Variants in BMP5 observed in about 807,000 individuals in gnomAD.
BMP5 encodes the protein bone morphogenetic protein 5.
Under a neutral mutation model 46.6 loss-of-function variants are expected in BMP5, and 23 were observed. The observed-to-expected ratio is 0.49, with a 90% CI of 0.35 to 0.70. The LOEUF is 0.70. Among genes scored for constraint, BMP5 ranks in the 30% least tolerant of loss-of-function variants. BMP5 has a pLI of 0.00. For synonymous variants in BMP5, 204 were observed against 191.9 expected, an observed-to-expected ratio of 1.06 and a Z score of -0.52; for missense variants, 545 against 565.6, an observed-to-expected ratio of 0.96 and a Z score of 0.37.
At chr6:55,805,739 A>T (rs973873601) in intron 2 of BMP5, among the ~76,000 whole-genome samples, 1 of 152,130 alleles carries the variant, frequency 6.6e-6, no homozygotes, top group Non-Finnish European at 1.5e-5. Flanking sequence ...TTGTTTATTG[A>T]CTTTTTAATA....
intron 2 of BMP5, among the ~76,000 whole-genome samples, chr6:55,802,710 G>C (rs1775879242): frequency 6.6e-6 from 1 of 151,844 alleles, no homozygotes; most frequent in Non-Finnish European, 1.5e-5. Flanking sequence ...ATATATTTAT[G>C]TTTTTGTATT....
intron 2 of BMP5, among the ~76,000 whole-genome samples, chr6:55,808,119 C>T (rs1333834585): frequency 6.6e-6 from 1 of 152,138 alleles, no homozygotes; most frequent in Non-Finnish European, 1.5e-5. Flanking sequence ...CTGTGACCAC[C>T]CCTCCCACTA....
intron 1 of BMP5, among the ~76,000 whole-genome samples, chr6:55,821,788 C>T (rs1391856993): frequency 1.3e-5 from 2 of 152,136 alleles, no homozygotes; most frequent in African/African-American, 4.8e-5. Flanking sequence ...TTTGACTGGG[C>T]TGTGTGAGAG....
chr6:55,762,125 CAG>C (rs766827706), intron 4 of BMP5, among the ~76,000 whole-genome samples: 9 of 151,964 alleles, frequency 5.9e-5, no homozygotes, highest in Non-Finnish European at 8.8e-5. Flanking sequence ...TGAAGAAACA[CAG>C]AGATTTATGG....
chr6:55,789,223 A>G (rs2127527038), intron 3 of BMP5, among the ~76,000 whole-genome samples: 1 of 152,134 alleles, frequency 6.6e-6, no homozygotes, highest in Non-Finnish European at 1.5e-5. Flanking sequence ...GAATAGAAAG[A>G]AAAAAAGTCA....
intron 1 of BMP5, among the ~76,000 whole-genome samples, chr6:55,873,200 T>C (rs1777824575): frequency 6.6e-6 from 1 of 151,982 alleles, no homozygotes; most frequent in Admixed American, 6.6e-5. Context: ...TTGTTGATAA[T>C]CTGACTTTTC....
chr6:55,806,164 A>ATTGCCTAGGT (rs1245337523), intron 2 of BMP5, among the ~76,000 whole-genome samples: 2 of 152,068 alleles, frequency 1.3e-5, no homozygotes, highest in African/African-American at 4.8e-5. Context: ...CCTGAATGGT[A>ATTGCCTAGGT]TTGCCTAGGT....
At chr6:55,798,721 T>C (rs112516330) in intron 2 of BMP5, among the ~76,000 whole-genome samples, 88 of 152,302 alleles carry the variant, frequency 5.8e-4, no homozygotes, top group African/African-American at 2.1e-3. Flanking sequence ...ATACATACAT[T>C]TATTGTCAAT....
Position 55,755,667 on chromosome 6 carries a change from G to A in BMP5, c.1231C>T (p.Pro411Ser). 1.2e-6 allele frequency: 2 copies of A among 1,612,128 alleles called. No individual in the cohort carries two copies. Among genetic ancestry groups the A allele is most frequent in the Non-Finnish European group, 8.5e-7 (1 of 1,178,682 alleles). Residue 411 changes from proline (P) to serine (S), a missense_variant, in exon 7 of 7, where the codon CCT becomes TCT. Physicochemically the swap from Pro to Ser is moderately conservative, Grantham distance 74 (BLOSUM62 -1). Coordinates refer to ENST00000370830, the MANE Select transcript of BMP5 (RefSeq NM_021073.4). ...CAACAAGGCTTTGGTACGTGGTCAG[G>A]AAACATCAGATGAACCTGGGAAAGA... ...IVQTLVHLMF[P>S]DHVPKPCCAP... is the part of the protein sequence containing the mutation.
intron 2 of BMP5, among the ~76,000 whole-genome samples, chr6:55,814,734 C>A (rs1776214086): frequency 6.6e-6 from 1 of 152,174 alleles, no homozygotes; most frequent in South Asian, 2.1e-4. Flanking sequence ...ATTGCATTTT[C>A]TTACAATGCA....
At chr6:55,781,512 A>C (rs1775316395) in intron 3 of BMP5, among the ~76,000 whole-genome samples, 2 of 152,032 alleles carry the variant, frequency 1.3e-5, no homozygotes, top group African/African-American at 4.8e-5. Flanking sequence ...CATTTTACCT[A>C]TAGTAATTAA....
intron 1 of BMP5, among the ~76,000 whole-genome samples, chr6:55,864,868 C>A (rs1239235480): frequency 6.6e-6 from 1 of 151,168 alleles, no homozygotes; most frequent in Non-Finnish European, 1.5e-5. Context: ...ATTATAACAA[C>A]TCAAGATAAT....
chr6:55,771,985 A>G (rs1775056508), intron 4 of BMP5, among the ~76,000 whole-genome samples: 1 of 151,890 alleles, frequency 6.6e-6, no homozygotes, highest in Non-Finnish European at 1.5e-5. Context: ...TTTAGACCAA[A>G]TCCTATGAGG....
intron 1 of BMP5, among the ~76,000 whole-genome samples, chr6:55,825,784 A>G (rs1262908043): frequency 2.0e-5 from 3 of 151,862 alleles, no homozygotes; most frequent in Non-Finnish European, 4.4e-5. Flanking sequence ...AAGGAGATGC[A>G]TTCATGGGCA....
rs1342113657 is a variant in BMP5, at chr6:55,874,594, T to G, written c.272A>C (p.Glu91Ala). The G allele has an allele frequency of 6.2e-7, 1 of 1,613,458 alleles. No individual in the cohort carries two copies. The highest frequency in any genetic ancestry group is 1.3e-5 in the African/African-American group (1 of 74,844). The change falls in exon 1 of 7, where the codon GAA becomes GCA. Residue 91 changes from glutamate (E) to alanine (A), a missense_variant. By Grantham distance (107) the Glu-to-Ala change is moderately radical. Coordinates refer to ENST00000370830, the MANE Select transcript of BMP5 (RefSeq NM_021073.4). ...MLDLYNAMTN[E>A]ENPEESEYSV... ...GTACTCCGACTCTTCAGGATTTTCT[T>G]CATTGGTCATGGCATTGTAGAGATC...
intron 2 of BMP5, among the ~76,000 whole-genome samples, chr6:55,805,951 G>A (rs1332490273): frequency 6.6e-6 from 1 of 151,884 alleles, no homozygotes; most frequent in African/African-American, 2.4e-5. Flanking sequence ...TAAGTTCCTT[G>A]TAGATTCTGG....
intron 1 of BMP5, among the ~76,000 whole-genome samples, chr6:55,857,474 T>C (rs536449282): frequency 4.2e-4 from 64 of 152,272 alleles, no homozygotes; most frequent in African/African-American, 1.3e-3. Context: ...ATCTAGAAGA[T>C]ACTAAAGAGA....
rs184931280 is a variant in BMP5, at chr6:55,855,576, C to T, written c.490+18800G>A. On this transcript the variant is annotated intron_variant, in intron 1 of 6. Transcript: ENST00000370830. ...GTCTTGCAAATTAACAACCCTTAGA[C>T]GAATTAATCCTATTGTTTTTGTTTT... 8.4e-4 allele frequency among the ~76,000 whole-genome samples: 128 copies of T among 152,156 alleles called. 2 individuals carry two copies. The highest frequency in any genetic ancestry group is 2.9e-3 in the African/African-American group (119 of 41,520).
At position 55,874,954 on chromosome 6, in the gene BMP5, C is replaced by A; in HGVS notation, c.-89G>T. On this transcript the variant is annotated 5_prime_UTR_variant, in exon 1 of 7. Transcript: ENST00000370830. ...CTAAGGTTCTAGGAGGTACAGTTTC[C>A]CAGTAGCTGAAAAAACAAATTTACC... The A allele has an allele frequency of 1.3e-6, 2 of 1,499,894 alleles. No homozygotes were observed. Among genetic ancestry groups the A allele is most frequent in the East Asian group, 2.3e-5 (1 of 44,116 alleles). 92.9% of individuals were successfully genotyped at this position (1,499,894 alleles called of 1,614,324 possible). A position where few individuals can be genotyped will look rare whatever the true frequency, so the allele number is the denominator to read the frequency against.
Sources: gnomAD v4.1 joint callset for allele counts (sites outside exome capture counted in the v4.1 genomes callset) on GRCh38, gnomAD v4.1.1 for gene constraint, MANE v1.5 for transcripts, NCBI Gene and HGNC (gene_info 2026-07-23, HGNC 2026-07-21) for gene names.